Variants in CHMP3 observed in about 807,000 individuals in gnomAD.
CHMP3 encodes 25.1 protein.
In CHMP3, 8 loss-of-function variants were observed where a neutral mutation model predicts 27.4. The observed-to-expected ratio is 0.29, with a 90% confidence interval of 0.17 to 0.53. CHMP3 has a LOEUF of 0.53. Ranked by LOEUF, CHMP3 falls within the 20% of genes least tolerant of loss-of-function variation. CHMP3 has a pLI of 0.96. For synonymous variants in CHMP3, 86 were observed against 85.5 expected, an observed-to-expected ratio of 1.01 and a Z score of -0.03; for missense variants, 208 against 271.5, an observed-to-expected ratio of 0.77 and a Z score of 1.64.
chr2:86,537,811 TTGA>T (rs1170137913), intron 2 of CHMP3, among the ~76,000 whole-genome samples: 3 of 152,188 alleles, frequency 2.0e-5, no homozygotes, highest in African/African-American at 7.2e-5. Context: ...AGCCTAGCTC[TTGA>T]TGATAGGAAT....
Position 86,505,847 on chromosome 2 carries a change from G to T in CHMP3, c.626C>A (p.Ala209Asp). 6.2e-7 allele frequency: 1 copy of T among 1,603,252 alleles called. No homozygotes were observed. Among genetic ancestry groups the T allele is most frequent in the Non-Finnish European group, 8.5e-7 (1 of 1,174,678 alleles). Residue 209 changes from alanine to aspartate, a missense_variant, in exon 6 of 6, where the codon GCT becomes GAT. By Grantham distance (126) the Ala-to-Asp change is moderately radical (BLOSUM62 -2). Transcript: ENST00000263856. ...CAGCCGGGACTGCATGGCCTCCAGA[G>T]CCTCTTCCTCCTCCTCCTCATCCTC... The part of the protein sequence containing the change: ...ASEDEEEEEE[A>D]LEAMQSRLAT...
At chr2:86,527,682 C>T (rs2044231) in intron 3 of CHMP3, among the ~76,000 whole-genome samples, 6,367 of 152,090 alleles carry the variant, frequency 0.042, 250 homozygotes, top group East Asian at 0.14. Flanking sequence ...GAAGATAGGC[C>T]GGAAGTGGTG....
chr2:86,546,499 G>C (rs1433653669), intron 1 of CHMP3, among the ~76,000 whole-genome samples: 1 of 150,726 alleles, frequency 6.6e-6, no homozygotes, highest in African/African-American at 2.4e-5. Flanking sequence ...GTACAGTGGC[G>C]CAATCTCAGC....
chr2:86,508,787 C>A (rs1462162773), intron 4 of CHMP3, among the ~76,000 whole-genome samples: 1 of 152,288 alleles, frequency 6.6e-6, no homozygotes, highest in East Asian at 1.9e-4. Context: ...TTCTTCCCAA[C>A]CAAAATGAAC....
intron 2 of CHMP3, among the ~76,000 whole-genome samples, chr2:86,539,558 G>A (rs1451530235): frequency 6.6e-6 from 1 of 152,148 alleles, no homozygotes; most frequent in East Asian, 1.9e-4. Context: ...AGCTATGGAT[G>A]TGAGAAGAAT....
chr2:86,531,748 T>C (rs1429409205), intron 2 of CHMP3, among the ~76,000 whole-genome samples: 3 of 152,254 alleles, frequency 2.0e-5, no homozygotes, highest in African/African-American at 7.2e-5. Flanking sequence ...ATGGTCTTGC[T>C]ACCCTTGTCA....
intron 5 of CHMP3, among the ~76,000 whole-genome samples, chr2:86,506,670 C>T (rs1290388742): frequency 2.2e-5 from 3 of 138,608 alleles, no homozygotes; most frequent in Non-Finnish European, 4.5e-5. Context: ...TGCAGTAGTG[C>T]GATCATGGCC....
At chr2:86,508,102 A>G (rs1053696889) in intron 4 of CHMP3, among the ~76,000 whole-genome samples, 2 of 152,222 alleles carry the variant, frequency 1.3e-5, no homozygotes, top group Non-Finnish European at 2.9e-5. Context: ...ATCTGCCAGA[A>G]TGGGGTAATC....
At chr2:86,507,621 T>C in intron 4 of CHMP3, 28 bp from the exon 5 acceptor site, 1 of 1,599,758 alleles carries the variant, frequency 6.3e-7, no homozygotes, top group Non-Finnish European at 8.6e-7. Context: ...GTCACTTCGG[T>C]CAACTGTTAA....
intron 3 of CHMP3, among the ~76,000 whole-genome samples, chr2:86,528,660 G>T (rs1403457033): frequency 6.6e-6 from 1 of 152,130 alleles, no homozygotes; most frequent in Admixed American, 6.5e-5. Flanking sequence ...TACTGTACTG[G>T]ACACTGAAAG....
intron 4 of CHMP3, among the ~76,000 whole-genome samples, chr2:86,508,811 T>A (rs989449222): frequency 2.0e-5 from 3 of 152,226 alleles, no homozygotes; most frequent in African/African-American, 7.2e-5. Flanking sequence ...TAAATTCATA[T>A]TCATGTTCAC....
chr2:86,535,309 C>T (rs1308722025), intron 2 of CHMP3, among the ~76,000 whole-genome samples: 1 of 150,414 alleles, frequency 6.6e-6, no homozygotes, highest in East Asian at 1.9e-4. Flanking sequence ...CTTCTGCCAA[C>T]TTGCCATTTA....
intron 1 of CHMP3, among the ~76,000 whole-genome samples, chr2:86,558,175 A>G (rs1281608402): frequency 6.6e-6 from 1 of 152,170 alleles, no homozygotes; most frequent in African/African-American, 2.4e-5. Context: ...TAAGAGAAGA[A>G]TCTCTTTCCA....
chr2:86,536,026 C>T (rs1676122880), intron 2 of CHMP3, among the ~76,000 whole-genome samples: 1 of 116,306 alleles, frequency 8.6e-6, no homozygotes. Context: ...GACGGAGTCT[C>T]GCTCTGTCGC....
chr2:86,520,132 G>C (rs1332607971), intron 3 of CHMP3, among the ~76,000 whole-genome samples: 1 of 152,130 alleles, frequency 6.6e-6, no homozygotes, highest in Non-Finnish European at 1.5e-5. Context: ...CAAAGAAATT[G>C]GTGAACAATT....
chr2:86,541,815 G>A (rs1676372756), intron 2 of CHMP3, among the ~76,000 whole-genome samples: 1 of 152,114 alleles, frequency 6.6e-6, no homozygotes, highest in South Asian at 2.1e-4. Context: ...CTCCAATCAT[G>A]AAAGTGTTAA....
At chr2:86,544,530 G>A (rs564389168) in intron 1 of CHMP3, among the ~76,000 whole-genome samples, 23 of 152,108 alleles carry the variant, frequency 1.5e-4, no homozygotes, top group African/African-American at 5.3e-4. Context: ...CTTGAGATTA[G>A]GGAGTGGTGA....
chr2:86,561,788 G>A (rs1666785721), intron 1 of CHMP3: 1 of 152,108 alleles, frequency 6.6e-6, no homozygotes, highest in Non-Finnish European at 1.5e-5. Context: ...AACAATCTAA[G>A]TGTACAATAT....
chr2:86,519,030 T>C (rs753888164), intron 3 of CHMP3, among the ~76,000 whole-genome samples: 1 of 152,166 alleles, frequency 6.6e-6, no homozygotes, highest in Non-Finnish European at 1.5e-5. Context: ...ACTGATTGTA[T>C]AGACGTTATA....
Sources: allele counts gnomAD v4.1 joint callset (sites outside exome capture counted in the v4.1 genomes callset), GRCh38; gene constraint gnomAD v4.1.1; transcripts MANE v1.5; gene names NCBI Gene and HGNC (gene_info 2026-07-23, HGNC 2026-07-21).